The following EPB41L4B variants were observed in gnomAD, a reference collection of about 807,000 sequenced individuals.
EPB41L4B encodes the protein band 4.1-like protein 4B.
EPB41L4B carries 30 observed loss-of-function variants against 112.5 expected under a neutral mutation model. The observed-to-expected ratio is 0.27, with a 90% CI of 0.20 to 0.36. The LOEUF is 0.36. Among genes scored for constraint, EPB41L4B ranks in the 10% least tolerant of loss-of-function variants. The pLI is 1.00. For synonymous variants in EPB41L4B, 408 were observed against 439.7 expected, an observed-to-expected ratio of 0.93 and a Z score of 0.90; for missense variants, 1,024 against 1,133.3, an observed-to-expected ratio of 0.90 and a Z score of 1.38.
At position 109,207,463 on chromosome 9, in the gene EPB41L4B, T is replaced by A. The variant is rs35316972; in HGVS notation, c.1878+461A>T. Among the ~76,000 whole-genome samples the A allele has an allele frequency of 6.6e-5, 10 of 152,002 alleles. No homozygotes were observed. In the East Asian group the frequency reaches 1.9e-3, roughly 29 times the overall value. On this transcript the variant is annotated intron_variant, in intron 18 of 25. Coordinates refer to ENST00000374566, the MANE Select transcript of EPB41L4B (RefSeq NM_019114.5). ...GGTGCATGCCTGTAGTCCCAGCTAC[T>A]CGGGAGGCTGAGGCAGGAGGATTGA... is the stretch of plus-strand genomic sequence containing the variant.
intron 15 of EPB41L4B, among the ~76,000 whole-genome samples, chr9:109,222,151 C>T (rs893062285): frequency 1.3e-5 from 2 of 152,082 alleles, no homozygotes; most frequent in Admixed American, 1.3e-4. Context: ...CATTTCATAA[C>T]ACGTCAAATA....
intron 1 of EPB41L4B, among the ~76,000 whole-genome samples, chr9:109,288,722 CAAAAAAAAAAAAAA>C (rs386415824): frequency 4.3e-4 from 10 of 23,038 alleles, no homozygotes; most frequent in African/African-American, 1.3e-3. Flanking sequence ...GACTCCGTCT[CAAAAAAAAAAAAAA>C]AAAAAAAAAA....
intron 18 of EPB41L4B, among the ~76,000 whole-genome samples, chr9:109,207,682 C>A (rs1833031918): frequency 6.6e-6 from 1 of 152,194 alleles, no homozygotes; most frequent in Non-Finnish European, 1.5e-5. Flanking sequence ...TTCCAGGTGA[C>A]TTATGCACAA....
At chr9:109,239,978 A>G (rs1047322212) in intron 15 of EPB41L4B, 3 of 985,318 alleles carry the variant, frequency 3.0e-6, no homozygotes, top group Admixed American at 6.1e-5. Flanking sequence ...TGCTGTGCCT[A>G]TAAGATCCAC....
chr9:109,188,323 G>A (rs1363918633), intron 22 of EPB41L4B, among the ~76,000 whole-genome samples: 1 of 152,170 alleles, frequency 6.6e-6, no homozygotes, highest in Non-Finnish European at 1.5e-5. Context: ...AGGGACTGAA[G>A]AGCAGCAAGA....
At chr9:109,187,050 GGAGGACA>G (rs1266155043) in intron 22 of EPB41L4B, among the ~76,000 whole-genome samples, 1 of 152,178 alleles carries the variant, frequency 6.6e-6, no homozygotes, top group Middle Eastern at 3.2e-3. Flanking sequence ...GGATGAGGTT[GGAGGACA>G]GAGGATGCTT....
At chr9:109,200,825 T>C (rs928022315) in intron 19 of EPB41L4B, among the ~76,000 whole-genome samples, 1 of 152,194 alleles carries the variant, frequency 6.6e-6, no homozygotes, top group Non-Finnish European at 1.5e-5. Flanking sequence ...GAAAAATGCA[T>C]AATCAGAAGA....
chr9:109,226,711 GAA>G (rs1491262835), intron 15 of EPB41L4B, among the ~76,000 whole-genome samples: 4 of 130,842 alleles, frequency 3.1e-5, no homozygotes, highest in Admixed American at 8.0e-5. Flanking sequence ...TATATATGAA[GAA>G]TATATATATG....
chr9:109,293,885 C>T (rs960585977), intron 1 of EPB41L4B, among the ~76,000 whole-genome samples: 1 of 152,062 alleles, frequency 6.6e-6, no homozygotes, highest in Non-Finnish European at 1.5e-5. Context: ...ATAAAAAGAA[C>T]TTAAGAGACA....
At chr9:109,229,865 A>G (rs1833898559) in intron 15 of EPB41L4B, among the ~76,000 whole-genome samples, 1 of 152,122 alleles carries the variant, frequency 6.6e-6, no homozygotes, top group Admixed American at 6.6e-5. Flanking sequence ...CCAGCATGCT[A>G]TACGTCACTT....
At chr9:109,203,958 T>C (rs907387742) in intron 18 of EPB41L4B, among the ~76,000 whole-genome samples, 3 of 152,226 alleles carry the variant, frequency 2.0e-5, no homozygotes, top group Admixed American at 6.5e-5. Context: ...CAATCAATTC[T>C]TGCATTCATG....
chr9:109,288,722 CAAAAAAAAAAAAAAAAA>C lies in EPB41L4B; in HGVS notation c.307-8818_307-8802del, dbSNP rs386415824. ...TTGGTGACAGAGCGAGACTCCGTCTCAAAAAAAAAAAAAAAAAAAAAAAAAAAAAAAAGCTGGGTGTG... is the reference window on the plus strand; with the variant it reads ...TTGGTGACAGAGCGAGACTCCGTCTCAAAAAAAAAAAAAAAGCTGGGTGTG... On this transcript the variant is annotated intron_variant, in intron 1 of 25. Transcript: ENST00000374566. Among the ~76,000 whole-genome samples, 223 of 23,058 alleles carry C rather than the reference CAAAAAAAAAAAAAAAAA, an allele frequency of 9.7e-3. 3 individuals are homozygous for C. The highest frequency in any genetic ancestry group is 0.058 in the Admixed American group (64 of 1,110). 15.1% of individuals were successfully genotyped at this position (23,058 alleles called of 152,430 possible).
At chr9:109,247,409 A>G (rs184257443) in intron 14 of EPB41L4B, among the ~76,000 whole-genome samples, 1 of 152,278 alleles carries the variant, frequency 6.6e-6, no homozygotes. Flanking sequence ...CATGTTCCCT[A>G]GGCCTAAAAC....
At chr9:109,284,338 T>G (rs771876834) in intron 1 of EPB41L4B, among the ~76,000 whole-genome samples, 4 of 152,338 alleles carry the variant, frequency 2.6e-5, no homozygotes, top group Non-Finnish European at 5.9e-5. Context: ...CACAGAATCC[T>G]TAGTCAAACC....
intron 15 of EPB41L4B, among the ~76,000 whole-genome samples, chr9:109,233,822 A>G (rs908421737): frequency 6.6e-6 from 1 of 152,006 alleles, no homozygotes; most frequent in African/African-American, 2.4e-5. Context: ...ATGAGCCACC[A>G]CGCTTAGCCT....
In EPB41L4B at chr9:109,253,617, A is replaced by C. The variant is rs572737487; in HGVS notation, c.1170-67T>G. Reference sequence around the variant, plus strand: ...TCTCAGTACATTACCTGTTTTTGAAAGTGCACTTTTATTTCCAAGAGCTCC... The same window carrying C: ...TCTCAGTACATTACCTGTTTTTGAACGTGCACTTTTATTTCCAAGAGCTCC... On this transcript the variant is annotated intron_variant, in intron 11 of 25. Transcript: ENST00000374566. The C allele has an allele frequency of 1.6e-5, 17 of 1,053,594 alleles. No homozygotes were observed. In the East Asian group the frequency reaches 4.0e-4, roughly 25 times the overall value. 65.3% of individuals were successfully genotyped at this position (1,053,594 alleles called of 1,614,324 possible).
chr9:109,198,074 T>G (rs1273182819), intron 20 of EPB41L4B, among the ~76,000 whole-genome samples: 3 of 152,190 alleles, frequency 2.0e-5, no homozygotes, highest in Non-Finnish European at 4.4e-5. Context: ...ACTTTACTCG[T>G]TTTGGCTTTC....
rs202078879 is a variant in EPB41L4B at position 109,174,659 on chromosome 9, C to T, written c.2634-36G>A. 3,130 of 1,592,160 alleles carry T rather than the reference C, an allele frequency of 2.0e-3. 9 individuals are homozygous for T. Among genetic ancestry groups the T allele is most frequent in the Non-Finnish European group, 2.5e-3 (2,877 of 1,161,272 alleles). On this transcript the variant is annotated intron_variant, in intron 25 of 25. Coordinates refer to ENST00000374566, the MANE Select transcript of EPB41L4B (RefSeq NM_019114.5). ...GTATGTGACAAAATAGTGAGACAATCCCTCAAAAATTGCAGAAGCAGACAG... is the reference window on the plus strand; with the variant it reads ...GTATGTGACAAAATAGTGAGACAATTCCTCAAAAATTGCAGAAGCAGACAG...
intron 15 of EPB41L4B, among the ~76,000 whole-genome samples, chr9:109,226,049 ATCAT>A (rs1259503699): frequency 6.6e-6 from 1 of 152,190 alleles, no homozygotes; most frequent in African/African-American, 2.4e-5. Context: ...CACCCAAAGA[ATCAT>A]TCACCCTTGC....
Sources: allele counts gnomAD v4.1 joint callset (sites outside exome capture counted in the v4.1 genomes callset), GRCh38; gene constraint gnomAD v4.1.1; transcripts MANE v1.5; gene names NCBI Gene and HGNC (gene_info 2026-07-23, HGNC 2026-07-21).